Variants in SYNJ2 observed in about 807,000 individuals in gnomAD.
SYNJ2 encodes the protein polyphosphatidylinositol phosphatase SYNJ2.
In SYNJ2, 116 loss-of-function variants were observed where a neutral mutation model predicts 141.3. That is an observed-to-expected ratio of 0.82 (90% CI 0.71 to 0.96). The LOEUF (loss-of-function observed/expected upper bound fraction) is 0.96, where lower values mean the gene tolerates loss of function less well. Among genes scored for constraint, SYNJ2 ranks in the 40% least tolerant of loss-of-function variants. The probability of loss-of-function intolerance (pLI) is 0.00; values close to 1 mark genes in which losing one functional copy is unlikely to be tolerated. For synonymous variants in SYNJ2, 745 were observed against 777.7 expected, an observed-to-expected ratio of 0.96 and a Z score of 0.70; for missense variants, 1,873 against 1,934.8, an observed-to-expected ratio of 0.97 and a Z score of 0.60.
intron 2 of SYNJ2, among the ~76,000 whole-genome samples, chr6:158,020,927 CT>C (rs1778735471): frequency 1.3e-5 from 2 of 152,130 alleles, no homozygotes; most frequent in Non-Finnish European, 2.9e-5. Flanking sequence ...TCATAAAAGC[CT>C]TTTTCCAGGT....
rs746063991 is a variant in SYNJ2, at chr6:158,088,762, C to T, written c.3446C>T (p.Pro1149Leu). The T allele has an allele frequency of 1.9e-6, 3 of 1,612,288 alleles. No homozygotes were observed. Among genetic ancestry groups the T allele is most frequent in the Admixed American group, 1.7e-5 (1 of 60,018 alleles). The part of the protein sequence containing the change: ...LQTARLLPGA[P>L]QQPPKARTGI... Reference sequence around the variant, plus strand: ...ACGGCAAGACTTCTACCAGGAGCACCTCAGCAACCTGTGAGTTCTTCTGCA... The same window carrying T: ...ACGGCAAGACTTCTACCAGGAGCACTTCAGCAACCTGTGAGTTCTTCTGCA... Residue 1149 changes from proline to leucine, a missense_variant, in exon 24 of 27, where the codon CCT becomes CTT. Coordinates refer to ENST00000355585, the MANE Select transcript of SYNJ2 (RefSeq NM_003898.4).
At position 158,071,202 on chromosome 6, in the gene SYNJ2, A is replaced by G. The variant is rs1027220289; in HGVS notation, c.1941-400A>G. 2.0e-5 allele frequency among the ~76,000 whole-genome samples: 3 copies of G among 152,122 alleles called. No individual in the cohort carries two copies. The highest frequency in any genetic ancestry group is 2.9e-5 in the Non-Finnish European group (2 of 68,026). On this transcript the variant is annotated intron_variant, in intron 14 of 26. Coordinates refer to ENST00000355585, the MANE Select transcript of SYNJ2 (RefSeq NM_003898.4). The surrounding 1 kb of genome is among the most constrained non-coding windows in gnomAD (Gnocchi z 4.3). The stretch of plus-strand genomic sequence containing the variant: ...TGTCTCAAAATAACAATAATAATTT[A>G]AAAATGTGTTGATTGCCCAGATGAC...
intron 2 of SYNJ2, among the ~76,000 whole-genome samples, chr6:158,026,410 C>T (rs773347455): frequency 4.6e-5 from 7 of 152,174 alleles, no homozygotes; most frequent in Non-Finnish European, 8.8e-5. Flanking sequence ...GGTAAGGGCG[C>T]CCCTTGCGGT....
At chr6:157,990,706 C>G (rs1308194417) in intron 1 of SYNJ2, among the ~76,000 whole-genome samples, 1 of 152,222 alleles carries the variant, frequency 6.6e-6, no homozygotes, top group Admixed American at 6.5e-5. Flanking sequence ...CAGTTTCTCA[C>G]CCCTGCTGCT....
At position 158,097,885 on chromosome 6, in the gene SYNJ2, A is replaced by G. The variant is rs1170648764; in HGVS notation, c.*1521A>G. The G allele has an allele frequency of 6.6e-6, 1 of 151,806 alleles. No homozygotes were observed. Among genetic ancestry groups the G allele is most frequent in the African/African-American group, 2.4e-5 (1 of 41,320 alleles). The allele number at this position is 151,806 out of a possible 1,614,324, so 9.4% of individuals were successfully genotyped here. ...CCGTGACCCACAGAGCTAGACAGAT[A>G]AGATGCATAGTTGACCAGTCATAAA... On this transcript the variant is annotated 3_prime_UTR_variant, in exon 27 of 27. Transcript: ENST00000355585.
intron 6 of SYNJ2, 105 bp from the exon 7 acceptor site, chr6:158,059,152 T>G: frequency 8.1e-7 from 1 of 1,239,394 alleles, no homozygotes; most frequent in Non-Finnish European, 1.1e-6. Flanking sequence ...ACTGTGGCAC[T>G]AAGAAAGCAT....
intron 1 of SYNJ2, among the ~76,000 whole-genome samples, chr6:157,991,540 GC>G (rs2128315353): frequency 6.6e-6 from 1 of 152,250 alleles, no homozygotes; most frequent in East Asian, 1.9e-4. Context: ...ATTGCTCCGG[GC>G]CCCAATATCT....
chr6:157,988,255 G>T (rs1386125680), intron 1 of SYNJ2, among the ~76,000 whole-genome samples: 1 of 152,240 alleles, frequency 6.6e-6, no homozygotes, highest in East Asian at 1.9e-4. Context: ...GCTCCCTGCA[G>T]GGGGGCATGA....
chr6:158,092,885 C>T (rs200699223), intron 25 of SYNJ2, 41 bp from the exon 26 acceptor site: 1 of 1,535,688 alleles, frequency 6.5e-7, no homozygotes, highest in African/African-American at 1.4e-5. Context: ...CAGTGAATTG[C>T]CTTGTCCTTT....
chr6:158,069,443 A>G, intron 13 of SYNJ2, 90 bp from the exon 14 acceptor site: 1 of 1,473,650 alleles, frequency 6.8e-7, no homozygotes, highest in Non-Finnish European at 9.2e-7. Flanking sequence ...TTCTGCAAAC[A>G]GAATAGGCTT....
At position 158,062,128 on chromosome 6, in the gene SYNJ2, T is replaced by G. The variant is rs1239865079; in HGVS notation, c.1091T>G (p.Phe364Cys). The change falls in exon 8 of 27, where the codon TTC becomes TGC. Residue 364 changes from phenylalanine to cysteine, a missense_variant. By Grantham distance (205) the Phe-to-Cys change is radical. Transcript: ENST00000355585. ...RPQLKLHWED[F>C]DVFTKGENVS... ...CAGTTAAAGCTGCACTGGGAAGACT[T>G]CGATGTGTTCACAAAGGGGGAGAAC... is the stretch of plus-strand genomic sequence containing the variant. 3 of 1,613,994 alleles carry G rather than the reference T, an allele frequency of 1.9e-6. No homozygotes were observed. The highest frequency in any genetic ancestry group is 2.5e-6 in the Non-Finnish European group (3 of 1,180,000).
At chr6:158,072,616 C>T (rs531633442) in intron 15 of SYNJ2, among the ~76,000 whole-genome samples, 1 of 152,098 alleles carries the variant, frequency 6.6e-6, no homozygotes, top group East Asian at 1.9e-4. Flanking sequence ...CACGAGCACT[C>T]AAGGCAAAAT....
intron 1 of SYNJ2, among the ~76,000 whole-genome samples, chr6:158,009,472 C>T (rs60669804): frequency 0.029 from 4,479 of 152,214 alleles, 222 homozygotes; most frequent in African/African-American, 0.1. Context: ...ACAGAAGGCA[C>T]GAAGATGTGT....
chr6:158,013,081 A>G (rs1778325286), intron 1 of SYNJ2, among the ~76,000 whole-genome samples: 1 of 152,172 alleles, frequency 6.6e-6, no homozygotes. Flanking sequence ...AATACATATC[A>G]AAAATTTGCA....
intron 1 of SYNJ2, among the ~76,000 whole-genome samples, chr6:157,990,045 G>T (rs1056257921): frequency 1.3e-5 from 2 of 152,238 alleles, no homozygotes; most frequent in African/African-American, 4.8e-5. Context: ...GGTCCTGTGG[G>T]CTGCGCCGTC....
intron 5 of SYNJ2, among the ~76,000 whole-genome samples, chr6:158,048,954 T>C (rs1337928890): frequency 6.6e-6 from 1 of 152,020 alleles, no homozygotes; most frequent in African/African-American, 2.4e-5. Context: ...CAGTGTTAGT[T>C]TGGAGGGGAA....
Position 158,078,248 on chromosome 6 carries a change from A to T in SYNJ2, c.2534A>T (p.Tyr845Phe). 6.2e-7 allele frequency: 1 copy of T among 1,613,934 alleles called. No homozygotes were observed. Among genetic ancestry groups the T allele is most frequent in the South Asian group, 1.1e-5 (1 of 91,074 alleles). ...HTWSPGALQY[Y>F]GRAELQASDH... is the part of the protein sequence containing the mutation. Reference sequence around the variant, plus strand: ...TGGTCTCCTGGTGCCCTGCAGTATTATGGTCGTGCGGAGCTACAAGCGTCT... The same window carrying T: ...TGGTCTCCTGGTGCCCTGCAGTATTTTGGTCGTGCGGAGCTACAAGCGTCT... Residue 845 changes from tyrosine to phenylalanine, a missense_variant, in exon 18 of 27, where the codon TAT becomes TTT. Transcript: ENST00000355585.
chr6:157,983,741 GA>G (rs1396624259), intron 1 of SYNJ2, among the ~76,000 whole-genome samples: 2 of 152,132 alleles, frequency 1.3e-5, no homozygotes, highest in African/African-American at 4.8e-5. Flanking sequence ...GAGAATGTAA[GA>G]AAGGAATTGG....
At chr6:158,087,333 G>C (rs1183469968) in intron 23 of SYNJ2, among the ~76,000 whole-genome samples, 1 of 152,208 alleles carries the variant, frequency 6.6e-6, no homozygotes, top group African/African-American at 2.4e-5. Context: ...TCTCTCCTCA[G>C]CTGCTGCGCA....
Sources: gnomAD v4.1 joint callset for allele counts (sites outside exome capture counted in the v4.1 genomes callset) on GRCh38, gnomAD v4.1.1 for gene constraint, Gnocchi (gnomAD v3.1) non-coding constraint, MANE v1.5 for transcripts, NCBI Gene and HGNC (gene_info 2026-07-23, HGNC 2026-07-21) for gene names.